Variants in NRP1 observed in about 807,000 individuals in gnomAD.
NRP1 encodes neuropilin 1.
NRP1 carries 35 observed loss-of-function variants against 106.7 expected under a neutral mutation model. The ratio of observed to expected loss-of-function variants is 0.33; its 90% CI spans 0.25 to 0.43. The LOEUF is 0.43. Among genes scored for constraint, NRP1 ranks in the 20% least tolerant of loss-of-function variants. The pLI, the probability that NRP1 is intolerant of heterozygous loss-of-function variation, is 1.00. For synonymous variants in NRP1, 437 were observed against 417.9 expected, an observed-to-expected ratio of 1.05 and a Z score of -0.56; for missense variants, 1,024 against 1,170.4, an observed-to-expected ratio of 0.87 and a Z score of 1.83.
At chr10:33,291,881 GT>G (rs879516392) in intron 2 of NRP1, among the ~76,000 whole-genome samples, 44 of 152,092 alleles carry the variant, frequency 2.9e-4, no homozygotes, top group Non-Finnish European at 5.4e-4. Context: ...TCACAGTTAG[GT>G]TTTTTTGTCT....
At chr10:33,216,569 T>G (rs1297443230) in intron 8 of NRP1, among the ~76,000 whole-genome samples, 1 of 151,950 alleles carries the variant, frequency 6.6e-6, no homozygotes, top group Non-Finnish European at 1.5e-5. Context: ...TCCTCCCACC[T>G]CAGTCTCCTG....
Position 33,274,107 on chromosome 10 carries a change from T to C in NRP1, c.249-3251A>G, listed in dbSNP as rs142720302. Among the ~76,000 whole-genome samples the C allele has an allele frequency of 7.7e-4, 118 of 152,266 alleles. 1 individual carries two copies. Among genetic ancestry groups the C allele is most frequent in the African/African-American group, 2.7e-3 (112 of 41,534 alleles). On this transcript the variant is annotated intron_variant, in intron 2 of 16. Coordinates refer to ENST00000374867, the MANE Select transcript of NRP1 (RefSeq NM_003873.7). ...GTAACAGTGGTAAAGTGGGTAAACA[T>C]TTATTGCCAAGGAACTCAAAGATAA...
In NRP1 at chr10:33,198,133, T is replaced by A. The variant is rs1293806207; in HGVS notation, c.1865-424A>T. Among the ~76,000 whole-genome samples the A allele has an allele frequency of 2.4e-4, 31 of 128,090 alleles. 1 individual carries two copies. The highest frequency in any genetic ancestry group is 1.1e-3 in the Admixed American group (14 of 12,492). 84.0% of individuals were successfully genotyped at this position (128,090 alleles called of 152,430 possible). ...AATCTCTTAGCAATTTTCTTTTTTT[T>A]AAATTTTTAAATTTTTTTTTTTTTT... On this transcript the variant is annotated intron_variant, in intron 11 of 16. Transcript: ENST00000374867.
chr10:33,206,279 C>T (rs745953056), intron 10 of NRP1: 3 of 519,022 alleles, frequency 5.8e-6, no homozygotes, highest in South Asian at 4.2e-5. Flanking sequence ...GTGGAGTCTG[C>T]CCATCTCTTC....
intron 2 of NRP1, among the ~76,000 whole-genome samples, chr10:33,330,507 C>A (rs755166533): frequency 1.3e-5 from 2 of 152,120 alleles, no homozygotes; most frequent in Non-Finnish European, 2.9e-5. Flanking sequence ...ACACATTTAA[C>A]TATAATCTTC....
Position 33,179,823 on chromosome 10 carries a change from C to G in NRP1, c.*253G>C. Reference sequence around the variant, plus strand: ...GAAATGAATGATTATGTCAATCATACTTGGTCTCAACACCAGCATCTGATT... The same window carrying G: ...GAAATGAATGATTATGTCAATCATAGTTGGTCTCAACACCAGCATCTGATT... On this transcript the variant is annotated 3_prime_UTR_variant, in exon 17 of 17. Transcript: ENST00000374867. The G allele has an allele frequency of 2.0e-6, 1 of 498,468 alleles. No homozygotes were observed. Among genetic ancestry groups the G allele is most frequent in the Admixed American group, 3.4e-5 (1 of 29,542 alleles). 30.9% of individuals were successfully genotyped at this position (498,468 alleles called of 1,614,324 possible). A position where few individuals can be genotyped will look rare whatever the true frequency, so the allele number is the denominator to read the frequency against.
At chr10:33,321,350 C>T (rs527343852) in intron 2 of NRP1, among the ~76,000 whole-genome samples, 16 of 152,180 alleles carry the variant, frequency 1.1e-4, no homozygotes, top group African/African-American at 3.9e-4. Flanking sequence ...AAACAAATGC[C>T]CACTTTTTCA....
At position 33,254,089 on chromosome 10, in the gene NRP1, C is replaced by A. The variant is rs749859903; in HGVS notation, c.920G>T (p.Arg307Leu). The A allele has an allele frequency of 3.7e-6, 6 of 1,613,946 alleles. No individual in the cohort carries two copies. The Admixed American group carries it at 1.0e-4, about 27-fold the overall frequency. Residue 307 changes from arginine to leucine, a missense_variant, in exon 6 of 17, where the codon CGC becomes CTC. Arg to Leu is a moderately radical substitution (Grantham distance 102, BLOSUM62 -2). Transcript: ENST00000374867. ...YSTNWSAERS[R>L]LNYPENGWTP... is the part of the protein sequence containing the mutation. Reference sequence around the variant, plus strand: ...CCACCCATTCTCAGGGTAGTTCAGGCGGGAGCGCTCTGCAGACCAGTTGGT... The same window carrying A: ...CCACCCATTCTCAGGGTAGTTCAGGAGGGAGCGCTCTGCAGACCAGTTGGT...
intron 2 of NRP1, among the ~76,000 whole-genome samples, chr10:33,317,242 G>A (rs1286258382): frequency 1.3e-5 from 2 of 152,208 alleles, no homozygotes; most frequent in Non-Finnish European, 2.9e-5. Flanking sequence ...TCATGAGGGT[G>A]AGGTGGGGAT....
rs536578144 is a variant in NRP1, at chr10:33,271,642, G to A, written c.249-786C>T. 7.9e-5 allele frequency among the ~76,000 whole-genome samples: 12 copies of A among 152,272 alleles called. No individual in the cohort carries two copies. In the East Asian group the frequency reaches 2.3e-3, roughly 29 times the overall value. On this transcript the variant is annotated intron_variant, in intron 2 of 16. Coordinates refer to ENST00000374867, the MANE Select transcript of NRP1 (RefSeq NM_003873.7). ...AAAAGTGATGAGATTTAAAATTCAG[G>A]CTTAATAATGACACTAAGGATACAA...
intron 2 of NRP1, among the ~76,000 whole-genome samples, chr10:33,304,306 C>G (rs1231933707): frequency 6.6e-6 from 1 of 152,016 alleles, no homozygotes; most frequent in African/African-American, 2.4e-5. Flanking sequence ...ACTATTTCAC[C>G]ACAGCAAAAA....
At chr10:33,249,617 G>A in intron 6 of NRP1, 1 of 425,454 alleles carries the variant, frequency 2.4e-6, no homozygotes, top group South Asian at 1.8e-5. Flanking sequence ...GCAGCTCTGG[G>A]ACACAGAATA....
In NRP1 at chr10:33,178,094, A is replaced by G. The variant is rs1835477357; in HGVS notation, c.*1982T>C. On this transcript the variant is annotated 3_prime_UTR_variant, in exon 17 of 17. Coordinates refer to ENST00000374867, the MANE Select transcript of NRP1 (RefSeq NM_003873.7). The stretch of plus-strand genomic sequence containing the variant: ...AAATGAATGTCTCTGGGGACAAAAA[A>G]CTATTCTTCTTTCATGGTGATCAAT... 1 of 152,586 alleles carries G rather than the reference A, an allele frequency of 6.6e-6. No homozygotes were observed. The highest frequency in any genetic ancestry group is 2.1e-4 in the South Asian group (1 of 4,824). The allele number at this position is 152,586 out of a possible 1,614,324, so 9.5% of individuals were successfully genotyped here. A position where few individuals can be genotyped will look rare whatever the true frequency, so the allele number is the denominator to read the frequency against.
At chr10:33,279,933 G>A (rs1366185666) in intron 2 of NRP1, among the ~76,000 whole-genome samples, 4 of 152,156 alleles carry the variant, frequency 2.6e-5, no homozygotes, top group African/African-American at 4.8e-5. Flanking sequence ...TGAGCCTATA[G>A]GCATTGTTCA....
rs374062923 is a variant in NRP1 at position 33,207,653 on chromosome 10, G to A, written c.1678C>T (p.Arg560Ter). The A allele has an allele frequency of 3.1e-6, 5 of 1,613,970 alleles. No individual in the cohort carries two copies. Among genetic ancestry groups the A allele is most frequent in the African/African-American group, 1.3e-5 (1 of 74,902 alleles). ...CTCTCGGGGTAGATCCTGATGAATCGCGTGGAGAGAGCTGGAAAAGTCCGC... is the reference window on the plus strand; with the variant it reads ...CTCTCGGGGTAGATCCTGATGAATCACGTGGAGAGAGCTGGAAAAGTCCGC... Reference protein sequence around the residue: ...ELRTFPALSTRFIRIYPERAT... With the variant: ...ELRTFPALST The change falls in exon 10 of 17, where the codon CGA becomes TGA. Residue 560 changes from arginine (R) to a stop codon, truncating the protein, a stop_gained. Coordinates refer to ENST00000374867, the MANE Select transcript of NRP1 (RefSeq NM_003873.7). LOFTEE classifies it high-confidence loss of function.
intron 15 of NRP1, among the ~76,000 whole-genome samples, chr10:33,183,504 T>C (rs1835818919): frequency 6.6e-6 from 1 of 152,184 alleles, no homozygotes; most frequent in African/African-American, 2.4e-5. Flanking sequence ...TAGTTTGGCT[T>C]CTCGAATAGT....
chr10:33,239,300 T>A (rs1484372175), intron 6 of NRP1, among the ~76,000 whole-genome samples: 5 of 147,500 alleles, frequency 3.4e-5, no homozygotes, highest in Admixed American at 6.8e-5. Context: ...AAAAAAAAAA[T>A]GGGGGTCTTC....
intron 2 of NRP1, among the ~76,000 whole-genome samples, chr10:33,274,645 G>C (rs1588897435): frequency 1.3e-5 from 2 of 152,248 alleles, no homozygotes; most frequent in East Asian, 3.9e-4. Context: ...ATGGTTAATG[G>C]AAAGGAAGCT....
intron 6 of NRP1, 122 bp from the exon 7 acceptor site, chr10:33,226,411 C>T (rs1182947387): frequency 2.0e-6 from 2 of 994,886 alleles, no homozygotes; most frequent in South Asian, 1.7e-5. Flanking sequence ...GGCCTCATTC[C>T]ATCGGGTGTC....
Sources: gnomAD v4.1 joint callset for allele counts (sites outside exome capture counted in the v4.1 genomes callset) on GRCh38, gnomAD v4.1.1 for gene constraint, MANE v1.5 for transcripts, NCBI Gene and HGNC (gene_info 2026-07-23, HGNC 2026-07-21) for gene names.